Variants in SLC35E4 observed in about 807,000 individuals in gnomAD.
SLC35E4 encodes the protein solute carrier family 35 member E4, also known as solute carrier family 35, member E4.
A neutral mutation model predicts 19.3 loss-of-function variants in SLC35E4; 15 were observed. The ratio of observed to expected loss-of-function variants is 0.78; its 90% CI spans 0.52 to 1.20. The LOEUF is 1.20. Ranked by LOEUF, SLC35E4 falls within the 50% of genes most tolerant of loss-of-function variation. The probability of loss-of-function intolerance (pLI) is 0.00; values close to 1 mark genes in which losing one functional copy is unlikely to be tolerated. For missense variants in SLC35E4, 406 were observed against 472.3 expected (o/e 0.86, Z 1.30); for synonymous variants, 219 against 219.9 (o/e 1.00, Z 0.04).
At chr22:30,658,880 C>G (rs1415431405) in intron 2 of SLC35E4, among the ~76,000 whole-genome samples, 2 of 152,112 alleles carry the variant, frequency 1.3e-5, no homozygotes, top group African/African-American at 4.8e-5. Flanking sequence ...CGCGGTGGCT[C>G]ACGCCTGTAA....
At chr22:30,650,359 G>C (rs2088189903), downstream of SLC35E4, among the ~76,000 whole-genome samples, 1 of 151,926 alleles carries the variant, frequency 6.6e-6, no homozygotes, top group Non-Finnish European at 1.5e-5. Flanking sequence ...AGACGGACAT[G>C]GTGGTGGGGA....
At chr22:30,651,371 T>TTTTTTTG (rs1555899345), downstream of SLC35E4, among the ~76,000 whole-genome samples, 3 of 41,228 alleles carry the variant, frequency 7.3e-5, no homozygotes, top group African/African-American at 3.2e-4. Flanking sequence ...TGGCTAATTT[T>TTTTTTTG]TGTGTGTGTG....
chr22:30,636,466 C>T lies in SLC35E4; in HGVS notation c.16C>T (p.Pro6Ser), dbSNP rs1256264949. 6.7e-7 allele frequency: 1 copy of T among 1,496,182 alleles called. No individual in the cohort carries two copies. Among genetic ancestry groups the T allele is most frequent in the Non-Finnish European group, 9.0e-7 (1 of 1,115,584 alleles). The allele number at this position is 1,496,182 out of a possible 1,614,324, so 92.7% of individuals were successfully genotyped here. Residue 6 changes from proline to serine, a missense_variant, in exon 1 of 2, where the codon CCG becomes TCG. Coordinates refer to ENST00000343605, the MANE Select transcript of SLC35E4 (RefSeq NM_001001479.4). ...ACTGGTGCGGATGTGCCGCTGCCCG[C>T]CGGAGCACCATGATGGCAGGATGAC... MCRCPPEHHDGRMTSA... is the reference protein window; with the variant it reads MCRCPSEHHDGRMTSA...
In SLC35E4 at chr22:30,636,739, G is replaced by A. The variant is rs1263271708; in HGVS notation, c.289G>A (p.Gly97Arg). Residue 97 changes from glycine to arginine, a missense_variant, in exon 1 of 2, where the codon GGG (glycine) becomes AGG (arginine). Physicochemically the swap from Gly to Arg is moderately radical, Grantham distance 125. Coordinates refer to ENST00000343605, the MANE Select transcript of SLC35E4 (RefSeq NM_001001479.4). ...MLVAALACHR[G>R]ARRPMPGGTR... is the part of the protein sequence containing the mutation. Reference sequence around the variant, plus strand: ...GGTGGCAGCCCTGGCATGCCACCGGGGGGCACGGCGCCCCATGCCAGGCGG... The same window carrying A: ...GGTGGCAGCCCTGGCATGCCACCGGAGGGCACGGCGCCCCATGCCAGGCGG... 6.2e-7 allele frequency: 1 copy of A among 1,611,916 alleles called. No homozygotes were observed. The highest frequency in any genetic ancestry group is 1.3e-5 in the African/African-American group (1 of 74,916).
downstream of SLC35E4, among the ~76,000 whole-genome samples, chr22:30,648,480 G>A (rs1281864020): frequency 1.3e-5 from 2 of 152,162 alleles, no homozygotes; most frequent in East Asian, 3.9e-4. Context: ...GGCCGGGCGC[G>A]GTGGCTCACA....
exon 3 of SLC35E4, chr22:30,663,156 G>A (rs1375839709): frequency 2.5e-6 from 1 of 398,630 alleles, no homozygotes; most frequent in Non-Finnish European, 4.6e-6. Flanking sequence ...TGTGCAATGG[G>A]TGCTGCCCTC....
chr22:30,647,130 G>A lies in SLC35E4; in HGVS notation c.*99G>A, dbSNP rs2013928. The stretch of plus-strand genomic sequence containing the variant: ...ATGGAGAACAGGGCTGGGCATGGTG[G>A]CTCACGCCTATAATCCCAGCACTTC... On this transcript the variant is annotated 3_prime_UTR_variant, in exon 2 of 2. Transcript: ENST00000343605. 40,654 of 1,376,072 alleles carry A rather than the reference G, an allele frequency of 0.03. 2,159 individuals carry two copies. Among genetic ancestry groups the A allele is most frequent in the East Asian group, 0.24 (9,890 of 40,540 alleles). The allele number at this position is 1,376,072 out of a possible 1,614,324, so 85.2% of individuals were successfully genotyped here.
downstream of SLC35E4, among the ~76,000 whole-genome samples, chr22:30,650,258 G>A (rs2088187693): frequency 6.6e-6 from 1 of 151,924 alleles, no homozygotes; most frequent in Non-Finnish European, 1.5e-5. Flanking sequence ...CTTGAACCTG[G>A]GAGGCGGAGG....
chr22:30,661,095 C>T (rs2088451657), intron 2 of SLC35E4, among the ~76,000 whole-genome samples: 2 of 152,160 alleles, frequency 1.3e-5, no homozygotes, highest in African/African-American at 4.8e-5. Flanking sequence ...GCCACCTCGG[C>T]CTCCCAAAGT....
At position 30,635,858 on chromosome 22, in the gene SLC35E4, G is replaced by T; in HGVS notation, c.-593G>T. On this transcript the variant is annotated 5_prime_UTR_variant, in exon 1 of 2. Transcript: ENST00000343605. ...GCCAAAGCCTCAGAGAGCAGGAGTT[G>T]GAGCGCAGGCCCTGCTGGATCCGCG... The T allele has an allele frequency of 6.5e-6, 1 of 153,476 alleles. No homozygotes were observed. Among genetic ancestry groups the T allele is most frequent in the South Asian group, 1.9e-4 (1 of 5,290 alleles). 9.5% of individuals were successfully genotyped at this position (153,476 alleles called of 1,614,324 possible).
chr22:30,668,447 C>G (rs1045716615), exon 3 of SLC35E4: 3 of 152,334 alleles, frequency 2.0e-5, no homozygotes, highest in African/African-American at 7.2e-5. Context: ...GTCCTGGGCA[C>G]CAGCCCCTTC....
chr22:30,664,431 G>C (rs1326546906), downstream of SLC35E4, among the ~76,000 whole-genome samples: 1 of 152,208 alleles, frequency 6.6e-6, no homozygotes, highest in Non-Finnish European at 1.5e-5. Flanking sequence ...TCCCTCAGCT[G>C]TGCCTTGGCC....
intron 1 of SLC35E4, 60 bp downstream of exon 1, chr22:30,637,129 G>A (rs2087965562): frequency 9.3e-6 from 14 of 1,511,906 alleles, no homozygotes; most frequent in Non-Finnish European, 1.2e-5. Context: ...TGGCCTGGAT[G>A]GCCCTGTGAG....
chr22:30,652,619 T>A (rs1158231555), downstream of SLC35E4, among the ~76,000 whole-genome samples: 1 of 152,228 alleles, frequency 6.6e-6, no homozygotes, highest in African/African-American at 2.4e-5. Flanking sequence ...TCAGTCACAA[T>A]TTTGCAAAGG....
intron 1 of SLC35E4, among the ~76,000 whole-genome samples, chr22:30,638,842 T>G (rs532001008): frequency 2.0e-5 from 3 of 152,234 alleles, no homozygotes; most frequent in African/African-American, 7.2e-5. Context: ...GGCATGCACC[T>G]GTAATCCCAG....
intron 1 of SLC35E4, among the ~76,000 whole-genome samples, chr22:30,637,606 G>C (rs2087971749): frequency 6.6e-6 from 1 of 152,050 alleles, no homozygotes; most frequent in Admixed American, 6.6e-5. Flanking sequence ...GCCAAGGTAG[G>C]TCTTGAACTC....
At chr22:30,649,606 C>T (rs907280431), downstream of SLC35E4, among the ~76,000 whole-genome samples, 1 of 149,342 alleles carries the variant, frequency 6.7e-6, no homozygotes, top group Non-Finnish European at 1.5e-5. Flanking sequence ...ACCTGTCACC[C>T]ACCCTCTCTA....
At chr22:30,659,577 G>C (rs1202095060) in intron 2 of SLC35E4, among the ~76,000 whole-genome samples, 2 of 151,980 alleles carry the variant, frequency 1.3e-5, no homozygotes, top group East Asian at 3.9e-4. Context: ...TCAACATGTT[G>C]GCCAGGGTGG....
At chr22:30,649,488 C>T (rs756093739), downstream of SLC35E4, among the ~76,000 whole-genome samples, 4 of 150,500 alleles carry the variant, frequency 2.7e-5, no homozygotes, top group Non-Finnish European at 3.0e-5. Context: ...CAGCCCACGG[C>T]GGGGTGGGAG....
Sources: gnomAD v4.1 joint callset for allele counts (sites outside exome capture counted in the v4.1 genomes callset) on GRCh38, gnomAD v4.1.1 for gene constraint, MANE v1.5 for transcripts, NCBI Gene and HGNC (gene_info 2026-07-23, HGNC 2026-07-21) for gene names.